Variants in CHRM2 observed in about 807,000 individuals in gnomAD.
CHRM2 encodes the protein muscarinic acetylcholine receptor M2.
CHRM2 carries 8 observed loss-of-function variants against 25.0 expected under a neutral mutation model. The observed-to-expected ratio is 0.32, with a 90% confidence interval of 0.19 to 0.58. The LOEUF (loss-of-function observed/expected upper bound fraction) is 0.58, where lower values mean the gene tolerates loss of function less well. CHRM2 is among the 20% of genes least tolerant of loss of function. The pLI is 0.88. For missense variants in CHRM2, 440 were observed against 567.1 expected (o/e 0.78, Z 2.28); for synonymous variants, 202 against 205.7 (o/e 0.98, Z 0.15).
At chr7:136,893,758 A>G (rs910704586) in intron 2 of CHRM2, among the ~76,000 whole-genome samples, 1 of 152,076 alleles carries the variant, frequency 6.6e-6, no homozygotes, top group Non-Finnish European at 1.5e-5. Flanking sequence ...CTGATATACC[A>G]CCTTTTTACA....
chr7:136,938,486 G>A, intron 2 of CHRM2: 1 of 1,080,852 alleles, frequency 9.3e-7, no homozygotes, highest in Non-Finnish European at 1.4e-6. Flanking sequence ...TGGATGTTGG[G>A]GTTCACCTCT....
chr7:136,966,455 GT>G (rs939294788), intron 2 of CHRM2, among the ~76,000 whole-genome samples: 21 of 151,806 alleles, frequency 1.4e-4, no homozygotes, highest in African/African-American at 4.8e-4. Flanking sequence ...GGTCACTAAG[GT>G]TTTCTTTTTC....
rs548599085 is a variant in CHRM2, at chr7:137,019,113, C to T, written c.*2847C>T. The stretch of plus-strand genomic sequence containing the variant: ...ATTTGGCTCAAAATGTCAATAGTTC[C>T]AAGATTGAGAAATTCTTGTCTACTT... On this transcript the variant is annotated 3_prime_UTR_variant, in exon 4 of 4. Transcript: ENST00000680005. 4 of 151,968 alleles carry T rather than the reference C, an allele frequency of 2.6e-5. No individual in the cohort carries two copies. The East Asian group carries it at 7.8e-4, about 30-fold the overall frequency. The allele number at this position is 151,968 out of a possible 1,614,324, so 9.4% of individuals were successfully genotyped here. A position where few individuals can be genotyped will look rare whatever the true frequency, so the allele number is the denominator to read the frequency against.
chr7:136,944,686 C>G (rs1468258025), intron 2 of CHRM2, among the ~76,000 whole-genome samples: 1 of 152,052 alleles, frequency 6.6e-6, no homozygotes, highest in African/African-American at 2.4e-5. Flanking sequence ...GGTTGACACC[C>G]AGGTGTGGGA....
intron 2 of CHRM2, among the ~76,000 whole-genome samples, chr7:136,944,072 G>A (rs1799923493): frequency 6.6e-6 from 1 of 152,248 alleles, no homozygotes; most frequent in East Asian, 1.9e-4. Flanking sequence ...GACCTTTCGA[G>A]TTGGCTTTCA....
At chr7:136,880,532 A>T (rs1401976498) in intron 2 of CHRM2, among the ~76,000 whole-genome samples, 1 of 151,968 alleles carries the variant, frequency 6.6e-6, no homozygotes, top group Admixed American at 6.6e-5. Flanking sequence ...GTGAAAATGA[A>T]ATTTGATACC....
At chr7:137,011,242 T>A (rs2131113139) in intron 3 of CHRM2, among the ~76,000 whole-genome samples, 1 of 149,742 alleles carries the variant, frequency 6.7e-6, no homozygotes, top group East Asian at 2.0e-4. Context: ...TATGGATTTA[T>A]TAGGAAAATT....
intron 2 of CHRM2, among the ~76,000 whole-genome samples, chr7:136,932,576 A>G (rs1219880468): frequency 1.3e-5 from 2 of 152,238 alleles, no homozygotes; most frequent in African/African-American, 4.8e-5. Flanking sequence ...CCACATGCAA[A>G]ATAATAAATT....
intron 2 of CHRM2, among the ~76,000 whole-genome samples, chr7:136,904,117 T>A (rs1268552736): frequency 6.6e-6 from 1 of 151,868 alleles, no homozygotes; most frequent in East Asian, 1.9e-4. Context: ...TTTTTTTAAT[T>A]TTTGAGTTAT....
chr7:136,982,449 G>T, intron 2 of CHRM2, among the ~76,000 whole-genome samples: 1 of 152,070 alleles, frequency 6.6e-6, no homozygotes, highest in Non-Finnish European at 1.5e-5. Context: ...TTACATTTAA[G>T]GTTAATATTG....
At chr7:136,947,865 G>A (rs1300017236) in intron 2 of CHRM2, among the ~76,000 whole-genome samples, 1 of 152,108 alleles carries the variant, frequency 6.6e-6, no homozygotes, top group African/African-American at 2.4e-5. Context: ...GGGTAACTAG[G>A]CCTTTCTGTC....
At chr7:136,909,596 T>C (rs1486964508) in intron 2 of CHRM2, among the ~76,000 whole-genome samples, 2 of 151,910 alleles carry the variant, frequency 1.3e-5, no homozygotes, top group Non-Finnish European at 2.9e-5. Flanking sequence ...GGTTTATTAT[T>C]ATGCCAAACT....
chr7:136,905,385 T>A (rs574147152), intron 2 of CHRM2, among the ~76,000 whole-genome samples: 24 of 151,934 alleles, frequency 1.6e-4, no homozygotes, highest in African/African-American at 5.8e-4. Flanking sequence ...TCTTATTTTT[T>A]AAAATAAATC....
intron 2 of CHRM2, among the ~76,000 whole-genome samples, chr7:136,970,378 C>G (rs1018952942): frequency 6.6e-6 from 1 of 152,166 alleles, no homozygotes; most frequent in Non-Finnish European, 1.5e-5. Context: ...TGACTTCCTT[C>G]CAAGATATAC....
At chr7:136,897,403 C>T (rs62485229) in intron 2 of CHRM2, among the ~76,000 whole-genome samples, 33,835 of 151,864 alleles carry the variant, frequency 0.22, 4,913 homozygotes, top group Non-Finnish European at 0.32. Flanking sequence ...TAAAAATAAA[C>T]GGTTTATTTT....
intron 2 of CHRM2, among the ~76,000 whole-genome samples, chr7:136,929,435 G>T (rs1302393020): frequency 1.3e-5 from 2 of 152,012 alleles, no homozygotes; most frequent in African/African-American, 2.4e-5. Flanking sequence ...AATATACACA[G>T]TTGCTGCCTC....
rs1805259765 is a variant in CHRM2, at chr7:137,017,799, AATC to A, written c.*1536_*1538del. Reference sequence around the variant, plus strand: ...TCACCATCTAATTCTAGACCATAATAATCATGTCAGGAACTATTATCTAAGTGG... The same window carrying A: ...TCACCATCTAATTCTAGACCATAATAATGTCAGGAACTATTATCTAAGTGG... On this transcript the variant is annotated 3_prime_UTR_variant, in exon 4 of 4. Transcript: ENST00000680005. 1 of 151,964 alleles carries A rather than the reference AATC, an allele frequency of 6.6e-6. No individual in the cohort carries two copies. The highest frequency in any genetic ancestry group is 6.6e-5 in the Admixed American group (1 of 15,226). The allele number at this position is 151,964 out of a possible 1,614,324, so 9.4% of individuals were successfully genotyped here.
chr7:136,912,893 G>T (rs927046998), intron 2 of CHRM2, among the ~76,000 whole-genome samples: 1 of 151,710 alleles, frequency 6.6e-6, no homozygotes, highest in Admixed American at 6.6e-5. Context: ...CATCTCATAG[G>T]GTTGTTATAC....
intron 2 of CHRM2, among the ~76,000 whole-genome samples, chr7:136,908,534 T>C (rs1162501045): frequency 6.6e-6 from 1 of 151,940 alleles, no homozygotes; most frequent in Non-Finnish European, 1.5e-5. Context: ...ACTGAAGCCG[T>C]TGGCTGACAC....
Sources: allele counts gnomAD v4.1 joint callset (sites outside exome capture counted in the v4.1 genomes callset), GRCh38; gene constraint gnomAD v4.1.1; transcripts MANE v1.5; gene names NCBI Gene and HGNC (gene_info 2026-07-23, HGNC 2026-07-21).